The following SDAD1 variants were observed in gnomAD, a reference collection of about 807,000 sequenced individuals.
The protein encoded by SDAD1 is SDA1 domain containing 1, also known as protein SDA1 homolog.
In SDAD1, 79 loss-of-function variants were observed where a neutral mutation model predicts 100.3. The observed-to-expected ratio is 0.79, with a 90% CI of 0.66 to 0.95. The LOEUF is 0.95. SDAD1 is among the 40% of genes least tolerant of loss of function. The pLI, the probability that SDAD1 is intolerant of heterozygous loss-of-function variation, is 0.00. For missense variants in SDAD1, 790 were observed against 810.9 expected, an observed-to-expected ratio of 0.97 and a Z score of 0.31; for synonymous variants, 267 against 271.4, an observed-to-expected ratio of 0.98 and a Z score of 0.16.
intron 11 of SDAD1, among the ~76,000 whole-genome samples, chr4:75,967,661 T>C (rs1340785465): frequency 2.0e-5 from 3 of 152,196 alleles, no homozygotes; most frequent in Non-Finnish European, 4.4e-5. Flanking sequence ...TTTAGTGTTC[T>C]AAGGAGAGGG....
rs565420675 is a variant in SDAD1, at chr4:75,960,207, A to G, written c.1357-15T>C. ...GTAGGCTTACCCTAAAGGAAAAGAA[A>G]TTGTTTGTAATAAGTTGCTTAGATC... On this transcript the variant is annotated splice_polypyrimidine_tract_variant and intron_variant, in intron 16 of 21. Transcript: ENST00000356260. 1.7e-5 allele frequency: 27 copies of G among 1,555,552 alleles called. No homozygotes were observed. In the East Asian group the frequency reaches 5.7e-4, roughly 33 times the overall value.
intron 19 of SDAD1, 45 bp from the exon 20 acceptor site, chr4:75,957,454 G>A (rs757079038): frequency 6.2e-7 from 1 of 1,611,890 alleles, no homozygotes; most frequent in Non-Finnish European, 8.5e-7. Flanking sequence ...ATGGAATTCT[G>A]TTTCCTGATG....
intron 11 of SDAD1, among the ~76,000 whole-genome samples, chr4:75,968,495 A>G (rs1451105114): frequency 2.6e-5 from 4 of 152,166 alleles, no homozygotes; most frequent in Admixed American, 2.6e-4. Flanking sequence ...ATTTCTGGGT[A>G]TCTCTTTTTC....
chr4:75,964,248 A>C (rs764211231), intron 13 of SDAD1, 37 bp from the exon 14 acceptor site: 2 of 1,346,126 alleles, frequency 1.5e-6, no homozygotes, highest in Non-Finnish European at 2.1e-6. Flanking sequence ...GTGCTGATTA[A>C]ATGTCTGCAT....
chr4:75,970,323 A>C lies in SDAD1; in HGVS notation c.869T>G (p.Ile290Ser). 6.2e-7 allele frequency: 1 copy of C among 1,613,928 alleles called. No homozygotes were observed. The highest frequency in any genetic ancestry group is 8.5e-7 in the Non-Finnish European group (1 of 1,179,828). ...EVFNFSAIHL[I>S]HDPQDFAEKL... ...TAATAACGTACCTTGGGGATCATGA[A>C]TCAAGTGAATGGCTGAAAAGTTAAA... is the stretch of plus-strand genomic sequence containing the variant. Residue 290 changes from isoleucine to serine, a missense_variant, in exon 10 of 22, where the codon ATT (isoleucine) becomes AGT (serine). Coordinates refer to ENST00000356260, the MANE Select transcript of SDAD1 (RefSeq NM_018115.4).
At chr4:75,990,673 C>A (rs765839828) in intron 1 of SDAD1, 79 bp downstream of exon 1, 4 of 1,606,734 alleles carry the variant, frequency 2.5e-6, no homozygotes, top group Non-Finnish European at 3.4e-6. Flanking sequence ...TGGATCCCAG[C>A]CCCACTCCAT....
chr4:75,990,588 A>C (rs1731197764), intron 1 of SDAD1, 164 bp downstream of exon 1: 62 of 1,457,062 alleles, frequency 4.3e-5, no homozygotes, highest in Non-Finnish European at 5.8e-5. Context: ...ACGAACCCTA[A>C]GGCATGTCCC....
intron 13 of SDAD1, 101 bp downstream of exon 13, chr4:75,965,663 T>A: frequency 3.3e-6 from 3 of 905,112 alleles, no homozygotes; most frequent in Admixed American, 2.1e-5. Flanking sequence ...AAAACCCACG[T>A]TGAATTATCG....
chr4:75,974,934 C>T (rs895229637), intron 6 of SDAD1, among the ~76,000 whole-genome samples: 1 of 140,198 alleles, frequency 7.1e-6, no homozygotes, highest in Non-Finnish European at 1.5e-5. Context: ...CCCAGCTACT[C>T]GGGAGGCTGA....
intron 1 of SDAD1, among the ~76,000 whole-genome samples, chr4:75,986,801 A>G (rs948963458): frequency 1.3e-5 from 2 of 152,190 alleles, no homozygotes; most frequent in African/African-American, 4.8e-5. Context: ...CTGAGGCAGA[A>G]AGATTGCATG....
chr4:75,980,591 G>A (rs959652576), intron 3 of SDAD1, among the ~76,000 whole-genome samples: 6 of 149,594 alleles, frequency 4.0e-5, no homozygotes, highest in Non-Finnish European at 8.9e-5. Flanking sequence ...AAGGAAGGAG[G>A]ATAGTGCAGA....
intron 3 of SDAD1, among the ~76,000 whole-genome samples, chr4:75,978,811 A>C (rs1481638867): frequency 6.7e-6 from 1 of 150,010 alleles, no homozygotes; most frequent in African/African-American, 2.4e-5. Context: ...CCTTGTCTCT[A>C]CACAAAAAAA....
intron 12 of SDAD1, 108 bp downstream of exon 12, chr4:75,967,168 TA>T: frequency 1.0e-6 from 1 of 1,004,934 alleles, no homozygotes; most frequent in Non-Finnish European, 1.5e-6. Context: ...TTCACATCTC[TA>T]ATGTAGAGCA....
intron 21 of SDAD1, among the ~76,000 whole-genome samples, chr4:75,954,812 G>C (rs747047006): frequency 1.4e-4 from 22 of 152,296 alleles, no homozygotes; most frequent in Middle Eastern, 3.4e-3. Flanking sequence ...CAGAAAAGCA[G>C]ATGTTCATAG....
intron 14 of SDAD1, among the ~76,000 whole-genome samples, chr4:75,962,836 G>A (rs1393035265): frequency 6.6e-6 from 1 of 152,116 alleles, no homozygotes; most frequent in Non-Finnish European, 1.5e-5. Flanking sequence ...CTCCCATTCT[G>A]TAGGTTGCCT....
At chr4:75,958,523 A>T (rs1212388936) in intron 17 of SDAD1, among the ~76,000 whole-genome samples, 2 of 152,208 alleles carry the variant, frequency 1.3e-5, no homozygotes, top group Non-Finnish European at 2.9e-5. Context: ...AATTTTCTAA[A>T]TCACAGACAC....
intron 3 of SDAD1, among the ~76,000 whole-genome samples, chr4:75,980,100 T>C (rs1730412310): frequency 6.6e-6 from 1 of 152,218 alleles, no homozygotes. Context: ...TAAGTCTCTA[T>C]ACTCAAAATA....
At chr4:75,981,350 T>C (rs753575327) in intron 3 of SDAD1, 22 bp downstream of exon 3, 1 of 1,610,476 alleles carries the variant, frequency 6.2e-7, no homozygotes, top group Non-Finnish European at 8.5e-7. Flanking sequence ...GCACAATTTA[T>C]TCATCCAACT....
intron 14 of SDAD1, among the ~76,000 whole-genome samples, chr4:75,962,844 C>A (rs552054474): frequency 1.3e-3 from 203 of 152,168 alleles, no homozygotes; most frequent in South Asian, 6.6e-3. Flanking sequence ...CTGTAGGTTG[C>A]CTGTTCACTC....
Sources: gnomAD v4.1 joint callset for allele counts (sites outside exome capture counted in the v4.1 genomes callset) on GRCh38, gnomAD v4.1.1 for gene constraint, MANE v1.5 for transcripts, NCBI Gene and HGNC (gene_info 2026-07-23, HGNC 2026-07-21) for gene names.